FIG4: variants seen among roughly 807,000 people sequenced by gnomAD.
FIG4 encodes FIG4 phosphoinositide 5-phosphatase.
FIG4 carries 112 observed loss-of-function variants against 118.6 expected under a neutral mutation model. That is an observed-to-expected ratio of 0.94 (90% CI 0.81 to 1.11). FIG4 has a LOEUF of 1.11. FIG4 is among the 50% of genes least tolerant of loss of function. FIG4 has a pLI of 0.00. For synonymous variants in FIG4, 369 were observed against 381.2 expected (o/e 0.97, Z 0.37); for missense variants, 969 against 1,111.7 (o/e 0.87, Z 1.83).
intron 10 of FIG4, among the ~76,000 whole-genome samples, chr6:109,748,749 A>G (rs989328004): frequency 1.3e-5 from 2 of 152,176 alleles, no homozygotes; most frequent in Non-Finnish European, 2.9e-5. Context: ...GACACGTGTT[A>G]CATGGCGGCA....
intron 5 of FIG4, 32 bp from the exon 6 acceptor site, chr6:109,735,118 T>A: frequency 6.3e-7 from 1 of 1,599,388 alleles, no homozygotes; most frequent in East Asian, 2.2e-5. Context: ...TTTGCTTTTG[T>A]AATTCTTATT....
chr6:109,725,188 C>G (rs1775764332), intron 3 of FIG4, among the ~76,000 whole-genome samples: 1 of 152,024 alleles, frequency 6.6e-6, no homozygotes, highest in Admixed American at 6.6e-5. Flanking sequence ...CTGTACCTAT[C>G]AACCCACCAT....
At chr6:109,819,551 C>T (rs1227818152) in intron 22 of FIG4, among the ~76,000 whole-genome samples, 1 of 152,140 alleles carries the variant, frequency 6.6e-6, no homozygotes, top group African/African-American at 2.4e-5. Flanking sequence ...TCACTGCAAC[C>T]TCCGCCTCCC....
chr6:109,718,978 G>A (rs1325748842), intron 3 of FIG4, among the ~76,000 whole-genome samples: 4 of 150,740 alleles, frequency 2.7e-5, no homozygotes, highest in African/African-American at 9.8e-5. Context: ...GAGTGCAGTG[G>A]CGCGACCTTG....
intron 3 of FIG4, 117 bp from the exon 4 acceptor site, chr6:109,726,992 A>C (rs1016885759): frequency 2.4e-6 from 2 of 827,480 alleles, no homozygotes; most frequent in Admixed American, 3.9e-5. Flanking sequence ...GTATGGCTAT[A>C]AATCATAGAA....
intron 11 of FIG4, 71 bp from the exon 12 acceptor site, chr6:109,762,020 C>A: frequency 1.1e-6 from 1 of 887,346 alleles, no homozygotes; most frequent in Non-Finnish European, 1.9e-6. Context: ...ACTTTACTGG[C>A]TTTAGATATA....
At chr6:109,772,130 CT>C (rs1465641642) in intron 15 of FIG4, among the ~76,000 whole-genome samples, 3 of 152,166 alleles carry the variant, frequency 2.0e-5, no homozygotes, top group African/African-American at 4.8e-5. Context: ...AATGTTTACT[CT>C]TCTGACTCCA....
chr6:109,724,988 GAAC>G (rs953523681), intron 3 of FIG4, among the ~76,000 whole-genome samples: 12 of 152,048 alleles, frequency 7.9e-5, no homozygotes, highest in African/African-American at 2.4e-4. Context: ...TATACCCATG[GAAC>G]AACAACTCCT....
At chr6:109,724,971 A>G (rs1028215206) in intron 3 of FIG4, among the ~76,000 whole-genome samples, 2 of 152,138 alleles carry the variant, frequency 1.3e-5, no homozygotes, top group African/African-American at 4.8e-5. Context: ...ATGCAAAACT[A>G]AAGCTCTATA....
intron 21 of FIG4, among the ~76,000 whole-genome samples, chr6:109,794,542 C>T (rs1484055335): frequency 1.3e-5 from 2 of 152,212 alleles, no homozygotes; most frequent in Non-Finnish European, 1.5e-5. Context: ...ATCCTCCCTC[C>T]ATCAGTATCT....
intron 14 of FIG4, 47 bp from the exon 15 acceptor site, chr6:109,766,682 T>C (rs1455365068): frequency 6.5e-7 from 1 of 1,541,464 alleles, no homozygotes; most frequent in Non-Finnish European, 9.0e-7. Context: ...GAATAACTTG[T>C]GCTTTGATTT....
intron 15 of FIG4, 40 bp from the exon 16 acceptor site, chr6:109,776,882 T>A (rs775935647): frequency 6.6e-7 from 1 of 1,504,674 alleles, no homozygotes; most frequent in Non-Finnish European, 9.2e-7. Flanking sequence ...TATATATCCA[T>A]CAGTAATGGA....
chr6:109,735,571 T>G (rs772039196), intron 6 of FIG4, among the ~76,000 whole-genome samples: 2 of 152,164 alleles, frequency 1.3e-5, no homozygotes, highest in Non-Finnish European at 2.9e-5. Flanking sequence ...AAGCCTAGAC[T>G]TTTACATGGT....
intron 4 of FIG4, among the ~76,000 whole-genome samples, chr6:109,727,686 A>T (rs1028444496): frequency 9.2e-5 from 14 of 152,178 alleles, no homozygotes; most frequent in Admixed American, 1.3e-4. Context: ...TTCTTATCCA[A>T]ATAATCAAAC....
chr6:109,693,903 T>G lies in FIG4; in HGVS notation c.66+2402T>G, dbSNP rs576934665. Among the ~76,000 whole-genome samples, 49 of 60,466 alleles carry G rather than the reference T, an allele frequency of 8.1e-4. No individual in the cohort carries two copies. The East Asian group carries it at 0.014, about 17-fold the overall frequency. The allele number at this position is 60,466 out of a possible 152,430, so 39.7% of individuals were successfully genotyped here. The stretch of plus-strand genomic sequence containing the variant: ...GTTAAAGATATAAGCAGAAAGGTTT[T>G]GTTTTGTTTTGTTTTGTTTTTACTA... On this transcript the variant is annotated intron_variant, in intron 1 of 22. Coordinates refer to ENST00000230124, the MANE Select transcript of FIG4 (RefSeq NM_014845.6).
At chr6:109,701,503 ATAGTTGACGTTAAAAT>A (rs1310097226) in intron 1 of FIG4, among the ~76,000 whole-genome samples, 1 of 152,260 alleles carries the variant, frequency 6.6e-6, no homozygotes, top group Non-Finnish European at 1.5e-5. Context: ...TGAACACATA[ATAGTTGACGTTAAAAT>A]TGGTAGCTAA....
At chr6:109,771,079 A>G (rs1777443913) in intron 15 of FIG4, among the ~76,000 whole-genome samples, 1 of 152,256 alleles carries the variant, frequency 6.6e-6, no homozygotes, top group Non-Finnish European at 1.5e-5. Context: ...TCCTTCAAAC[A>G]GCAGATTGTG....
At chr6:109,719,724 G>A (rs1457743881) in intron 3 of FIG4, among the ~76,000 whole-genome samples, 2 of 152,086 alleles carry the variant, frequency 1.3e-5, no homozygotes, top group African/African-American at 4.8e-5. Flanking sequence ...CTGTCCTTGG[G>A]TATTCCAGAG....
intron 10 of FIG4, among the ~76,000 whole-genome samples, chr6:109,750,421 G>A (rs1158046284): frequency 6.6e-6 from 1 of 152,140 alleles, no homozygotes; most frequent in African/African-American, 2.4e-5. Context: ...CTTGCATGAG[G>A]CCAGGAGTCT....
Sources: gnomAD v4.1 joint callset for allele counts (sites outside exome capture counted in the v4.1 genomes callset) on GRCh38, gnomAD v4.1.1 for gene constraint, MANE v1.5 for transcripts, NCBI Gene and HGNC (gene_info 2026-07-23, HGNC 2026-07-21) for gene names.